The following NEGR1 variants were observed in gnomAD, a reference collection of about 807,000 sequenced individuals.
NEGR1 encodes the protein neuronal growth regulator 1, also known as IgLON family member 4.
NEGR1 carries 10 observed loss-of-function variants against 40.9 expected under a neutral mutation model. That is an observed-to-expected ratio of 0.24 (90% CI 0.15 to 0.42). The LOEUF (loss-of-function observed/expected upper bound fraction) is 0.42. Among genes scored for constraint, NEGR1 ranks in the 10% least tolerant of loss-of-function variants. NEGR1 has a pLI of 1.00. For synonymous variants in NEGR1, 185 were observed against 166.8 expected, an observed-to-expected ratio of 1.11 and a Z score of -0.84; for missense variants, 352 against 438.9, an observed-to-expected ratio of 0.80 and a Z score of 1.77.
In NEGR1 at chr1:71,999,676, T is replaced by TATAC. The variant is rs1008860056; in HGVS notation, c.177-64369_177-64366dup. On this transcript the variant is annotated intron_variant, in intron 1 of 6. Coordinates refer to ENST00000357731, the MANE Select transcript of NEGR1 (RefSeq NM_173808.3). ...ATATATATATATATATATATATATA[T>TATAC]ATACATACATATTTTTGTCCGGTCT... Among the ~76,000 whole-genome samples the TATAC allele has an allele frequency of 8.5e-3, 443 of 52,058 alleles. 2 individuals are homozygous for TATAC. The highest frequency in any genetic ancestry group is 9.3e-3 in the Non-Finnish European group (234 of 25,200). The allele number at this position is 52,058 out of a possible 152,430, so 34.2% of individuals were successfully genotyped here. A position where few individuals can be genotyped will look rare whatever the true frequency, so the allele number is the denominator to read the frequency against.
chr1:71,606,984 T>A (rs919350760), intron 5 of NEGR1, among the ~76,000 whole-genome samples: 1 of 152,196 alleles, frequency 6.6e-6, no homozygotes, highest in African/African-American at 2.4e-5. Context: ...GCTTTGAAGA[T>A]CTTGATTTAA....
intron 3 of NEGR1, among the ~76,000 whole-genome samples, chr1:71,701,524 G>A (rs1653690770): frequency 6.6e-6 from 1 of 151,812 alleles, no homozygotes; most frequent in African/African-American, 2.4e-5. Flanking sequence ...CACTTTTAAG[G>A]ATTCATGTGA....
chr1:72,022,699 A>G (rs1446677832), intron 1 of NEGR1, among the ~76,000 whole-genome samples: 4 of 152,116 alleles, frequency 2.6e-5, no homozygotes, highest in African/African-American at 7.2e-5. Flanking sequence ...TTAAAAGTTT[A>G]CAAGAATTTT....
At chr1:71,829,431 A>G (rs1658760516) in intron 2 of NEGR1, among the ~76,000 whole-genome samples, 1 of 151,738 alleles carries the variant, frequency 6.6e-6, no homozygotes, top group Middle Eastern at 3.4e-3. Context: ...GAGATACCAC[A>G]CTCCAATTAT....
intron 1 of NEGR1, among the ~76,000 whole-genome samples, chr1:72,102,847 C>T (rs1162460706): frequency 1.3e-5 from 2 of 151,834 alleles, no homozygotes; most frequent in East Asian, 3.9e-4. Context: ...TCAATAAATG[C>T]TAGAAATATT....
At chr1:72,004,955 T>A (rs185951391) in intron 1 of NEGR1, among the ~76,000 whole-genome samples, 206 of 152,294 alleles carry the variant, frequency 1.4e-3, no homozygotes, top group Non-Finnish European at 1.8e-3. Flanking sequence ...TTTATGGTAG[T>A]CATGTTACAC....
intron 1 of NEGR1, among the ~76,000 whole-genome samples, chr1:72,112,885 C>T (rs1007988826): frequency 1.3e-5 from 2 of 151,424 alleles, no homozygotes; most frequent in South Asian, 4.2e-4. Flanking sequence ...ATCTTTTCCC[C>T]GACTTTTTTC....
chr1:71,699,952 G>C (rs1653627406), intron 3 of NEGR1, among the ~76,000 whole-genome samples: 1 of 151,682 alleles, frequency 6.6e-6, no homozygotes, highest in Non-Finnish European at 1.5e-5. Context: ...ATTTTTCTGA[G>C]GCATCCTCAG....
intron 6 of NEGR1, among the ~76,000 whole-genome samples, chr1:71,420,670 A>G (rs1288016263): frequency 6.6e-6 from 1 of 152,044 alleles, no homozygotes. Context: ...GCCAGAAGAC[A>G]CTCAAGTCTG....
chr1:72,032,054 A>G (rs1646863231), intron 1 of NEGR1, among the ~76,000 whole-genome samples: 1 of 152,208 alleles, frequency 6.6e-6, no homozygotes, highest in Admixed American at 6.5e-5. Flanking sequence ...TAAAAATTAG[A>G]AGAGCTAGAA....
intron 3 of NEGR1, among the ~76,000 whole-genome samples, chr1:71,723,991 A>C (rs533646994): frequency 6.6e-6 from 1 of 152,190 alleles, no homozygotes; most frequent in African/African-American, 2.4e-5. Context: ...GGGAAAAAAA[A>C]AGTCCTCTCA....
chr1:71,498,383 T>G (rs561409618), intron 6 of NEGR1, among the ~76,000 whole-genome samples: 3 of 152,024 alleles, frequency 2.0e-5, no homozygotes, highest in African/African-American at 7.2e-5. Context: ...AAAAGCCGGG[T>G]TTCCAATTAT....
At chr1:71,560,395 C>A (rs114371376) in intron 6 of NEGR1, among the ~76,000 whole-genome samples, 2,860 of 138,060 alleles carry the variant, frequency 0.021, 59 homozygotes, top group African/African-American at 0.035. Flanking sequence ...TTATGTATGA[C>A]CTTAATATAA....
chr1:71,698,475 A>G (rs914452512), intron 3 of NEGR1, among the ~76,000 whole-genome samples: 3 of 151,670 alleles, frequency 2.0e-5, no homozygotes, highest in Non-Finnish European at 4.4e-5. Context: ...GATGAAATTC[A>G]CTAATATGAC....
At chr1:71,839,381 T>C (rs1659157420) in intron 2 of NEGR1, among the ~76,000 whole-genome samples, 1 of 151,346 alleles carries the variant, frequency 6.6e-6, no homozygotes, top group Non-Finnish European at 1.5e-5. Context: ...TTGTTGTATT[T>C]TTTTTTTTTA....
chr1:71,760,729 G>A lies in NEGR1; in HGVS notation c.535+15443C>T, dbSNP rs182601561. Reference sequence around the variant, plus strand: ...TTCTACTAACATCAAAGAGCAGAGTGTAGTGTCAGGATTGCAACCTGAAGC... The same window carrying A: ...TTCTACTAACATCAAAGAGCAGAGTATAGTGTCAGGATTGCAACCTGAAGC... On this transcript the variant is annotated intron_variant, in intron 3 of 6. Transcript: ENST00000357731. 2.0e-5 allele frequency among the ~76,000 whole-genome samples: 3 copies of A among 152,258 alleles called. No homozygotes were observed. In the East Asian group the frequency reaches 5.8e-4, roughly 29 times the overall value.
intron 1 of NEGR1, among the ~76,000 whole-genome samples, chr1:71,937,255 T>C (rs1391476413): frequency 6.6e-6 from 1 of 152,216 alleles, no homozygotes; most frequent in Non-Finnish European, 1.5e-5. Flanking sequence ...AAAACCCCTT[T>C]AATGATGTAA....
intron 1 of NEGR1, among the ~76,000 whole-genome samples, chr1:71,942,485 T>A (rs865952713): frequency 0.098 from 478 of 4,856 alleles, 1 homozygote; most frequent in South Asian, 0.19. Flanking sequence ...ATATATATAT[T>A]TTTTTTTTTT....
At chr1:71,687,375 C>T (rs1653073642) in intron 4 of NEGR1, among the ~76,000 whole-genome samples, 1 of 152,146 alleles carries the variant, frequency 6.6e-6, no homozygotes. Flanking sequence ...CTATGAAATA[C>T]ATAAGTGTTT....
Sources: gnomAD v4.1 joint callset for allele counts (sites outside exome capture counted in the v4.1 genomes callset) on GRCh38, gnomAD v4.1.1 for gene constraint, MANE v1.5 for transcripts, NCBI Gene and HGNC (gene_info 2026-07-23, HGNC 2026-07-21) for gene names.